Variants in LRP1B observed in about 807,000 individuals in gnomAD.
LRP1B encodes the protein low-density lipoprotein receptor-related protein 1B.
LRP1B carries 217 observed loss-of-function variants against 556.6 expected under a neutral mutation model. That is an observed-to-expected ratio of 0.39 (90% CI 0.35 to 0.44). The LOEUF (loss-of-function observed/expected upper bound fraction) is 0.44. LRP1B is among the 20% of genes least tolerant of loss of function. The pLI is 1.00. For synonymous variants in LRP1B, 2,047 were observed against 1,865.8 expected (o/e 1.10, Z -2.50); for missense variants, 5,053 against 5,620.8 (o/e 0.90, Z 3.23).
chr2:142,053,934 C>T lies in LRP1B; in HGVS notation c.82+76714G>A, dbSNP rs764933514. ...ATACATAATTGGGAGCTCTGTTGGACAGTAAGTGTGTCAGGGAAGGGAAAC... is the reference window on the plus strand; with the variant it reads ...ATACATAATTGGGAGCTCTGTTGGATAGTAAGTGTGTCAGGGAAGGGAAAC... On this transcript the variant is annotated intron_variant, in intron 1 of 90. Transcript: ENST00000389484. 3.5e-4 allele frequency among the ~76,000 whole-genome samples: 53 copies of T among 152,118 alleles called. 1 individual carries two copies. Among genetic ancestry groups the T allele is most frequent in the Non-Finnish European group, 6.5e-4 (44 of 67,986 alleles).
intron 7 of LRP1B, among the ~76,000 whole-genome samples, chr2:141,129,020 C>T (rs1406159313): frequency 6.6e-6 from 1 of 151,810 alleles, no homozygotes; most frequent in Non-Finnish European, 1.5e-5. Context: ...GGTAAGGTGT[C>T]CAAGAATATG....
chr2:140,793,068 A>T (rs1690178430), intron 32 of LRP1B, among the ~76,000 whole-genome samples: 1 of 152,062 alleles, frequency 6.6e-6, no homozygotes, highest in African/African-American at 2.4e-5. Context: ...AAAACCAATG[A>T]TTATAACAAA....
chr2:141,940,212 G>A (rs1276860579), intron 1 of LRP1B, among the ~76,000 whole-genome samples: 1 of 152,086 alleles, frequency 6.6e-6, no homozygotes, highest in African/African-American at 2.4e-5. Flanking sequence ...GGATCACAAA[G>A]AAGACATATT....
In LRP1B at chr2:141,633,324, T is replaced by C. The variant is rs115161428; in HGVS notation, c.206-152791A>G. On this transcript the variant is annotated intron_variant, in intron 2 of 90. Coordinates refer to ENST00000389484, the MANE Select transcript of LRP1B (RefSeq NM_018557.3). ...AAATGACAGAGGTGAATATTCTGGT[T>C]ATAAGGAAAGAACTATAAACATGTA... is the stretch of plus-strand genomic sequence containing the variant. Among the ~76,000 whole-genome samples the C allele has an allele frequency of 4.2e-3, 634 of 152,254 alleles. 4 individuals are homozygous for C. The highest frequency in any genetic ancestry group is 0.014 in the African/African-American group (597 of 41,564).
chr2:141,381,030 A>G (rs7569060), intron 3 of LRP1B, among the ~76,000 whole-genome samples: 6,741 of 149,550 alleles, frequency 0.045, 502 homozygotes, highest in African/African-American at 0.16. Flanking sequence ...AGAAAAGTGA[A>G]GAAAACATAT....
At chr2:140,492,797 C>T (rs1343051072) in intron 56 of LRP1B, 104 bp from the exon 57 acceptor site, 8 of 777,630 alleles carry the variant, frequency 1.0e-5, no homozygotes, top group Admixed American at 2.0e-5. Context: ...AAATGCAGTG[C>T]TGATCTGGTA....
At chr2:141,005,486 G>T (rs761910387) in intron 14 of LRP1B, 29 bp from the exon 15 acceptor site, 1 of 1,605,566 alleles carries the variant, frequency 6.2e-7, no homozygotes, top group Non-Finnish European at 8.5e-7. Context: ...AAATGTGTCA[G>T]AGAACTCTGA....
intron 87 of LRP1B, among the ~76,000 whole-genome samples, chr2:140,244,853 G>T (rs1471887): frequency 0.91 from 137,006 of 151,276 alleles, 62,645 homozygotes; most frequent in East Asian, 0.97. Flanking sequence ...AAGTTTCATC[G>T]TTCTTATTGG....
chr2:141,517,005 A>AC, intron 2 of LRP1B, among the ~76,000 whole-genome samples: 1 of 64,746 alleles, frequency 1.5e-5, no homozygotes, highest in South Asian at 6.0e-4. Context: ...CCCGTCTCTT[A>AC]AAAAAAAAAA....
At chr2:142,029,940 C>G (rs75753410) in intron 1 of LRP1B, among the ~76,000 whole-genome samples, 2 of 151,620 alleles carry the variant, frequency 1.3e-5, no homozygotes, top group East Asian at 3.9e-4. Flanking sequence ...CTCATCATTA[C>G]TCAAACTTGC....
intron 41 of LRP1B, chr2:140,683,639 C>T (rs1284466843): frequency 2.9e-6 from 2 of 693,868 alleles, no homozygotes; most frequent in Non-Finnish European, 5.4e-6. Context: ...CCCAGGTATT[C>T]CATCCGAGTC....
intron 35 of LRP1B, among the ~76,000 whole-genome samples, chr2:140,759,194 T>C (rs1038239875): frequency 2.0e-5 from 3 of 152,092 alleles, no homozygotes; most frequent in African/African-American, 7.2e-5. Context: ...AAATAGCCTA[T>C]AGGTTGTTAT....
intron 1 of LRP1B, among the ~76,000 whole-genome samples, chr2:141,844,423 T>C (rs16847336): frequency 0.17 from 26,304 of 152,126 alleles, 2,570 homozygotes; most frequent in East Asian, 0.24. Context: ...CTATGTTAGA[T>C]AACTTTGTTG....
intron 1 of LRP1B, among the ~76,000 whole-genome samples, chr2:141,976,511 G>T (rs1006250063): frequency 6.6e-6 from 1 of 152,026 alleles, no homozygotes; most frequent in African/African-American, 2.4e-5. Flanking sequence ...TTAGTGGGGG[G>T]TCACAGCCCT....
chr2:142,072,961 T>A (rs1489823517), intron 1 of LRP1B, among the ~76,000 whole-genome samples: 1 of 152,074 alleles, frequency 6.6e-6, no homozygotes, highest in Non-Finnish European at 1.5e-5. Flanking sequence ...TATTTTGCTC[T>A]TGCATCCTGT....
intron 11 of LRP1B, among the ~76,000 whole-genome samples, chr2:141,033,756 G>C (rs1156631695): frequency 1.3e-5 from 2 of 152,092 alleles, no homozygotes; most frequent in South Asian, 2.1e-4. Flanking sequence ...CTGAAAGAGA[G>C]CCCTCACCAG....
chr2:141,799,441 G>T (rs911482018), intron 2 of LRP1B, among the ~76,000 whole-genome samples: 1 of 152,154 alleles, frequency 6.6e-6, no homozygotes, highest in African/African-American at 2.4e-5. Context: ...TGCACGCCAA[G>T]ACATGTAGAT....
At chr2:140,868,532 A>AG (rs1164134130) in intron 25 of LRP1B, among the ~76,000 whole-genome samples, 2 of 152,150 alleles carry the variant, frequency 1.3e-5, no homozygotes, top group Admixed American at 1.3e-4. Flanking sequence ...AGAGAAGGTG[A>AG]TCAGAAAAAA....
At chr2:140,608,501 A>G (rs1216915383) in intron 41 of LRP1B, among the ~76,000 whole-genome samples, 1 of 152,216 alleles carries the variant, frequency 6.6e-6, no homozygotes, top group Non-Finnish European at 1.5e-5. Flanking sequence ...ATGGGGAACA[A>G]TATTATCTTA....
Sources: gnomAD v4.1 joint callset for allele counts (sites outside exome capture counted in the v4.1 genomes callset) on GRCh38, gnomAD v4.1.1 for gene constraint, MANE v1.5 for transcripts, NCBI Gene and HGNC (gene_info 2026-07-23, HGNC 2026-07-21) for gene names.